RAD51B: variants seen among roughly 807,000 people sequenced by gnomAD.
RAD51B encodes RAD51 paralog B.
RAD51B carries 38 observed loss-of-function variants against 42.2 expected under a neutral mutation model. The observed-to-expected ratio is 0.90, with a 90% CI of 0.70 to 1.18. RAD51B has a LOEUF of 1.18. Ranked by LOEUF, RAD51B falls within the 50% of genes most tolerant of loss-of-function variation. The pLI is 0.00. For missense variants in RAD51B, 373 were observed against 400.7 expected (o/e 0.93, Z 0.59); for synonymous variants, 154 against 145.2 (o/e 1.06, Z -0.43).
chr14:68,058,730 C>T (rs765272365), intron 7 of RAD51B, among the ~76,000 whole-genome samples: 1 of 151,966 alleles, frequency 6.6e-6, no homozygotes, highest in Non-Finnish European at 1.5e-5. Flanking sequence ...CTTTTAAATT[C>T]TTAGTGTATA....
intron 10 of RAD51B, chr14:68,562,714 T>A (rs897630485): frequency 9.8e-5 from 97 of 985,154 alleles, no homozygotes; most frequent in Non-Finnish European, 1.1e-4. Flanking sequence ...GCCATTTGTT[T>A]CCCCACAGCT....
chr14:67,889,284 C>T (rs2043149544), intron 7 of RAD51B, among the ~76,000 whole-genome samples: 1 of 145,686 alleles, frequency 6.9e-6, no homozygotes, highest in African/African-American at 2.6e-5. Flanking sequence ...TAAATTGATA[C>T]ATTTAAATGG....
At position 68,610,875 on chromosome 14, in the gene RAD51B, GTGTGTGTGTGTC is replaced by G. The variant is rs746964616; in HGVS notation, c.1037-130_1037-119del. The G allele has an allele frequency of 9.9e-3, 5,591 of 567,150 alleles. 4 individuals carry two copies. The highest frequency in any genetic ancestry group is 0.013 in the Non-Finnish European group (3,854 of 305,362). The allele number at this position is 567,150 out of a possible 1,614,324, so 35.1% of individuals were successfully genotyped here. A position where few individuals can be genotyped will look rare whatever the true frequency, so the allele number is the denominator to read the frequency against. On this transcript the variant is annotated intron_variant, in intron 10 of 10. Transcript: ENST00000487861. ...TGTGTGTGTGTGTGTGTGTGTGTGT[GTGTGTGTGTGTC>G]ATCTCCCTAGTTGTGTAACCCTGCA...
intron 11 of RAD51B, among the ~76,000 whole-genome samples, chr14:68,654,029 G>T (rs932469431): frequency 6.6e-6 from 1 of 152,254 alleles, no homozygotes; most frequent in Non-Finnish European, 1.5e-5. Context: ...AAGCAAGAAG[G>T]TTTGTAAGCT....
At chr14:68,063,535 A>G (rs1004858932) in intron 7 of RAD51B, among the ~76,000 whole-genome samples, 2 of 152,200 alleles carry the variant, frequency 1.3e-5, no homozygotes, top group African/African-American at 4.8e-5. Flanking sequence ...CAAGAGATTG[A>G]GACCATCCTG....
chr14:68,353,852 G>C (rs938909321), intron 8 of RAD51B, among the ~76,000 whole-genome samples: 2 of 152,196 alleles, frequency 1.3e-5, no homozygotes, highest in Non-Finnish European at 2.9e-5. Context: ...ACATAACTAT[G>C]CTTCTATTAG....
chr14:68,275,840 A>ACACACACACACC (rs780326389), intron 7 of RAD51B, among the ~76,000 whole-genome samples: 84 of 134,948 alleles, frequency 6.2e-4, no homozygotes, highest in African/African-American at 2.2e-3. Context: ...ACACACACAC[A>ACACACACACACC]CCCTTGAATT....
At chr14:68,562,745 C>T in intron 10 of RAD51B, 1 of 984,988 alleles carries the variant, frequency 1.0e-6, no homozygotes, top group Non-Finnish European at 1.2e-6. Flanking sequence ...CTGGTGCCCT[C>T]ATCACCAGGG....
intron 7 of RAD51B, among the ~76,000 whole-genome samples, chr14:68,277,322 A>G (rs1292463486): frequency 1.3e-5 from 2 of 152,204 alleles, no homozygotes; most frequent in Non-Finnish European, 2.9e-5. Context: ...GTTCCACGGG[A>G]CATAACAATT....
chr14:68,460,902 G>A (rs114403672), intron 9 of RAD51B, among the ~76,000 whole-genome samples: 1 of 152,264 alleles, frequency 6.6e-6, no homozygotes, highest in East Asian at 1.9e-4. Flanking sequence ...TCCTAAAAAT[G>A]GATATGAATC....
At chr14:67,966,860 A>C (rs867131488) in intron 7 of RAD51B, among the ~76,000 whole-genome samples, 3 of 152,194 alleles carry the variant, frequency 2.0e-5, no homozygotes, top group Admixed American at 6.5e-5. Context: ...TCTTACATAC[A>C]GTATTATATT....
intron 7 of RAD51B, among the ~76,000 whole-genome samples, chr14:67,972,310 T>G (rs950072595): frequency 1.3e-5 from 2 of 152,228 alleles, no homozygotes; most frequent in Admixed American, 1.3e-4. Context: ...CCCTGTTTAT[T>G]TGACATGATT....
intron 7 of RAD51B, among the ~76,000 whole-genome samples, chr14:67,939,629 T>G (rs967431364): frequency 2.6e-5 from 4 of 152,084 alleles, no homozygotes; most frequent in Non-Finnish European, 5.9e-5. Flanking sequence ...TACCATAGAT[T>G]AGGTAGCTCA....
chr14:68,037,040 CT>C (rs1235062750), intron 7 of RAD51B, among the ~76,000 whole-genome samples: 24 of 108,290 alleles, frequency 2.2e-4, no homozygotes, highest in African/African-American at 6.5e-4. Context: ...CCCTCCCCCC[CT>C]CCCTTCCTTC....
intron 10 of RAD51B, among the ~76,000 whole-genome samples, chr14:68,556,923 C>T (rs1437628470): frequency 9.2e-5 from 14 of 152,088 alleles, no homozygotes; most frequent in Non-Finnish European, 1.5e-5. Flanking sequence ...AATAAGCTTC[C>T]TCACACCTCA....
intron 7 of RAD51B, among the ~76,000 whole-genome samples, chr14:68,138,988 C>A (rs1368778017): frequency 6.6e-6 from 1 of 152,104 alleles, no homozygotes; most frequent in Non-Finnish European, 1.5e-5. Context: ...TATGGAAGAA[C>A]CTGCCTCTAC....
intron 4 of RAD51B, among the ~76,000 whole-genome samples, chr14:67,847,268 G>T (rs1238763131): frequency 2.7e-5 from 4 of 150,846 alleles, no homozygotes; most frequent in African/African-American, 9.8e-5. Context: ...TTGCCCCAGG[G>T]TCTTCTCTCT....
intron 7 of RAD51B, among the ~76,000 whole-genome samples, chr14:68,113,546 G>A (rs1449939128): frequency 1.3e-5 from 2 of 152,068 alleles, no homozygotes; most frequent in East Asian, 3.9e-4. Flanking sequence ...CTCACAGTAC[G>A]ACTTCTGGTT....
chr14:68,651,906 T>C (rs1390677402), intron 11 of RAD51B, among the ~76,000 whole-genome samples: 1 of 152,116 alleles, frequency 6.6e-6, no homozygotes, highest in Admixed American at 6.5e-5. Flanking sequence ...CCCGGAACCG[T>C]CTTGGTGCTG....
Sources: allele counts gnomAD v4.1 joint callset (sites outside exome capture counted in the v4.1 genomes callset), GRCh38; gene constraint gnomAD v4.1.1; transcripts MANE v1.5; gene names NCBI Gene and HGNC (gene_info 2026-07-23, HGNC 2026-07-21).